The following PTPRB variants were observed in gnomAD, a reference collection of about 807,000 sequenced individuals.
PTPRB encodes protein tyrosine phosphatase receptor type B, also known as receptor-type tyrosine-protein phosphatase beta.
A neutral mutation model predicts 238.1 loss-of-function variants in PTPRB; 97 were observed. The observed-to-expected ratio is 0.41, with a 90% CI of 0.35 to 0.48. PTPRB has a LOEUF of 0.48. PTPRB is among the 20% of genes least tolerant of loss of function. The pLI, the probability that PTPRB is intolerant of heterozygous loss-of-function variation, is 0.30. For synonymous variants in PTPRB, 970 were observed against 995.4 expected (o/e 0.97, Z 0.48); for missense variants, 2,292 against 2,681.9 (o/e 0.85, Z 3.21).
chr12:70,588,109 A>AAAAAAG lies in PTPRB; in HGVS notation c.2051-843_2051-842insCTTTTT, dbSNP rs1555232485. ...AGACTCTGTCTCAAAAAAAAAAAAA[A>AAAAAAG]AAAAGAAAAGAAAAGAAAAGAAAAG... On this transcript the variant is annotated intron_variant, in intron 8 of 33. Coordinates refer to ENST00000334414, the MANE Select transcript of PTPRB (RefSeq NM_001109754.4). 1.8e-3 allele frequency among the ~76,000 whole-genome samples: 246 copies of AAAAAAG among 137,042 alleles called. 1 individual carries two copies. The highest frequency in any genetic ancestry group is 3.6e-3 in the Non-Finnish European group (219 of 60,716). 89.9% of individuals were successfully genotyped at this position (137,042 alleles called of 152,430 possible). A position where few individuals can be genotyped will look rare whatever the true frequency, so the allele number is the denominator to read the frequency against.
intron 20 of PTPRB, 134 bp downstream of exon 20, chr12:70,555,024 CAG>C: frequency 1.0e-6 from 1 of 974,644 alleles, no homozygotes; most frequent in South Asian, 1.7e-5. Context: ...CTGTATCCAG[CAG>C]AGAGAGGGGT....
chr12:70,594,089 A>G (rs908560380), intron 6 of PTPRB, among the ~76,000 whole-genome samples: 1 of 152,206 alleles, frequency 6.6e-6, no homozygotes, highest in Non-Finnish European at 1.5e-5. Context: ...ACTGTCACAC[A>G]GGAGTAGGGT....
At chr12:70,533,887 T>C (rs1048725087) in intron 31 of PTPRB, among the ~76,000 whole-genome samples, 5 of 152,214 alleles carry the variant, frequency 3.3e-5, no homozygotes, top group Non-Finnish European at 7.3e-5. Context: ...AGTGCCTTGA[T>C]TTTGGACTTC....
intron 32 of PTPRB, among the ~76,000 whole-genome samples, chr12:70,524,873 G>GTGTGTATATATGTATATA (rs1328466694): frequency 6.8e-6 from 1 of 147,240 alleles, no homozygotes. Flanking sequence ...GTGTATATAT[G>GTGTGTATATATGTATATA]TGTGTATATA....
chr12:70,556,868 C>T (rs1019027123), intron 18 of PTPRB, among the ~76,000 whole-genome samples: 2 of 152,182 alleles, frequency 1.3e-5, no homozygotes, highest in Non-Finnish European at 2.9e-5. Context: ...ACTTCTTTCA[C>T]GTGTTGAGAG....
At position 70,555,888 on chromosome 12, in the gene PTPRB, T is replaced by G; in HGVS notation, c.4975A>C (p.Thr1659Pro). The change falls in exon 19 of 34, where the codon ACT becomes CCT. Residue 1659 changes from threonine to proline, a missense_variant. By Grantham distance (38) the Thr-to-Pro change is conservative. Transcript: ENST00000334414. ...CACTTACGGTCTATCATTGTGATAG[T>G]GCTGTCTTCAACCACCTCGCTGGTC... ...GMTSEVVEDS[T>P]ITMIDRPPPP... The G allele has an allele frequency of 6.2e-7, 1 of 1,612,736 alleles. No individual in the cohort carries two copies. Among genetic ancestry groups the G allele is most frequent in the Non-Finnish European group, 8.5e-7 (1 of 1,179,848 alleles).
At chr12:70,624,380 T>C (rs1403111617) in intron 2 of PTPRB, among the ~76,000 whole-genome samples, 1 of 152,186 alleles carries the variant, frequency 6.6e-6, no homozygotes, top group Non-Finnish European at 1.5e-5. Flanking sequence ...CCTCTTAGTT[T>C]CTGTTTGTTT....
At chr12:70,621,771 T>C (rs1005375323) in intron 3 of PTPRB, among the ~76,000 whole-genome samples, 2 of 152,232 alleles carry the variant, frequency 1.3e-5, no homozygotes, top group East Asian at 1.9e-4. Flanking sequence ...ATTGCCTAAA[T>C]GGTGGACTAA....
intron 32 of PTPRB, among the ~76,000 whole-genome samples, chr12:70,530,170 C>CA (rs1451485464): frequency 6.6e-6 from 1 of 151,954 alleles, no homozygotes; most frequent in East Asian, 1.9e-4. Flanking sequence ...TAATGAAAAC[C>CA]AAATATAGTT....
chr12:70,581,217 G>T lies in PTPRB; in HGVS notation c.2397C>A (p.Asp799Glu). The part of the protein sequence containing the change: ...LFTNWTQAQG[D>E]VEFYQVLLIH... ...TCAGTAAGACTTGGTAAAATTCTACGTCTCCTTGTGCCTGGGTCCAGTTAG... is the reference window on the plus strand; with the variant it reads ...TCAGTAAGACTTGGTAAAATTCTACTTCTCCTTGTGCCTGGGTCCAGTTAG... The change falls in exon 10 of 34, where the codon GAC (aspartate) becomes GAA (glutamate). Residue 799 changes from aspartate to glutamate, a missense_variant. By Grantham distance (45) the Asp-to-Glu change is conservative (BLOSUM62 2). This residue lies in a region of PTPRB where 1,205 missense variants were observed against 1,287.8 expected (regional missense o/e 0.94). Transcript: ENST00000334414. The T allele has an allele frequency of 6.2e-7, 1 of 1,613,888 alleles. No homozygotes were observed. The highest frequency in any genetic ancestry group is 8.5e-7 in the Non-Finnish European group (1 of 1,179,856).
At chr12:70,632,538 T>C (rs934299337) in intron 2 of PTPRB, among the ~76,000 whole-genome samples, 3 of 151,044 alleles carry the variant, frequency 2.0e-5, no homozygotes, top group Admixed American at 6.6e-5. Flanking sequence ...GTAACAAACC[T>C]GCACATTGTG....
At chr12:70,534,361 G>T (rs1326140235) in intron 31 of PTPRB, 127 bp downstream of exon 31, 23 of 1,022,532 alleles carry the variant, frequency 2.2e-5, no homozygotes, top group Non-Finnish European at 3.1e-5. Flanking sequence ...CTCTGGGGGC[G>T]AGGCAGGCTG....
At chr12:70,625,738 A>G (rs1885145469) in intron 2 of PTPRB, among the ~76,000 whole-genome samples, 1 of 152,178 alleles carries the variant, frequency 6.6e-6, no homozygotes, top group Admixed American at 6.5e-5. Context: ...TTCTTATACA[A>G]TGGAACAATA....
At chr12:70,637,269 A>T (rs1015119535) in intron 1 of PTPRB, 72 bp downstream of exon 1, 31 of 1,391,654 alleles carry the variant, frequency 2.2e-5, no homozygotes, top group Non-Finnish European at 3.0e-5. Flanking sequence ...TATTTCAGAC[A>T]CTTCAAAGAC....
At chr12:70,595,290 A>G (rs571673190) in intron 5 of PTPRB, among the ~76,000 whole-genome samples, 7 of 151,980 alleles carry the variant, frequency 4.6e-5, no homozygotes, top group Admixed American at 2.0e-4. Context: ...ACACACGGGG[A>G]CCTGTTGGGG....
intron 13 of PTPRB, 57 bp from the exon 14 acceptor site, chr12:70,569,995 TCAAA>T: frequency 4.1e-6 from 6 of 1,478,270 alleles, no homozygotes; most frequent in Non-Finnish European, 5.6e-6. Context: ...GTTGAAATTT[TCAAA>T]CAAAGTTTTG....
rs1240434892 is a variant in PTPRB at position 70,517,784 on chromosome 12, C to A, written c.*3705G>T. The A allele has an allele frequency of 3.3e-5, 5 of 152,164 alleles. No homozygotes were observed. The highest frequency in any genetic ancestry group is 1.2e-4 in the African/African-American group (5 of 41,430). 9.4% of individuals were successfully genotyped at this position (152,164 alleles called of 1,614,324 possible). On this transcript the variant is annotated 3_prime_UTR_variant, in exon 34 of 34. Transcript: ENST00000334414. ...CTCAGAGTTTGGGCTCAGATACTACCACTGCTGTTGTGCAGATCTGGTAGC... is the reference window on the plus strand; with the variant it reads ...CTCAGAGTTTGGGCTCAGATACTACAACTGCTGTTGTGCAGATCTGGTAGC...
At chr12:70,610,386 C>T (rs1388305390) in intron 3 of PTPRB, among the ~76,000 whole-genome samples, 1 of 148,790 alleles carries the variant, frequency 6.7e-6, no homozygotes, top group Non-Finnish European at 1.5e-5. Context: ...TTTCCAGGCC[C>T]CCACCCCCGC....
intron 28 of PTPRB, among the ~76,000 whole-genome samples, chr12:70,536,717 T>G (rs986994747): frequency 1.3e-5 from 2 of 152,318 alleles, no homozygotes; most frequent in African/African-American, 4.8e-5. Context: ...AGCAATTCCT[T>G]GTCAATTCTA....
Sources: gnomAD v4.1 joint callset for allele counts (sites outside exome capture counted in the v4.1 genomes callset) on GRCh38, gnomAD v4.1.1 for gene constraint, gnomAD v4.1.1 regional missense constraint, MANE v1.5 for transcripts, NCBI Gene and HGNC (gene_info 2026-07-23, HGNC 2026-07-21) for gene names.